Variants in TFIP11 observed in about 807,000 individuals in gnomAD.
The protein encoded by TFIP11 is tuftelin interacting protein 11.
A neutral mutation model predicts 96.8 loss-of-function variants in TFIP11; 86 were observed. The observed-to-expected ratio is 0.89, with a 90% CI of 0.75 to 1.06. The LOEUF (loss-of-function observed/expected upper bound fraction) is 1.06. TFIP11 is among the 50% of genes least tolerant of loss of function. The probability of loss-of-function intolerance (pLI) is 0.00; values close to 1 mark genes in which losing one functional copy is unlikely to be tolerated. For synonymous variants in TFIP11, 405 were observed against 395.2 expected (o/e 1.02, Z -0.29); for missense variants, 881 against 1,076.7 (o/e 0.82, Z 2.54).
chr22:26,492,378 A>G lies in TFIP11; in HGVS notation c.2159-10T>C, dbSNP rs781746152. On this transcript the variant is annotated splice_polypyrimidine_tract_variant and intron_variant, in intron 14 of 14. Transcript: ENST00000407690. ...GGCTGCATGTAGGCACCTAAGATAC[A>G]GGAGGACAGGGCGGTGAGGAGAGGT... 1 of 1,613,274 alleles carries G rather than the reference A, an allele frequency of 6.2e-7. No homozygotes were observed. The highest frequency in any genetic ancestry group is 8.5e-7 in the Non-Finnish European group (1 of 1,179,276).
Position 26,499,236 on chromosome 22 carries a change from C to G in TFIP11, c.1197G>C (p.Glu399Asp). The G allele has an allele frequency of 6.2e-7, 1 of 1,614,018 alleles. No individual in the cohort carries two copies. The highest frequency in any genetic ancestry group is 1.1e-5 in the South Asian group (1 of 91,038). ...PDCSNPLTLD[E>D]CARIFETLQD... ...GCAGGGTTTCGAAGATGCGGGCACA[C>G]TCGTCCAGGGTGAGGGGGTTGCTGC... is the stretch of plus-strand genomic sequence containing the variant. Residue 399 changes from glutamate (E) to aspartate (D), a missense_variant, in exon 9 of 15, where the codon GAG becomes GAC. Transcript: ENST00000407690.
rs186305908 is a variant in TFIP11, at chr22:26,508,615, G to A, written c.209+1449C>T. 4.1e-3 allele frequency among the ~76,000 whole-genome samples: 620 copies of A among 152,210 alleles called. 6 individuals are homozygous for A. The highest frequency in any genetic ancestry group is 0.012 in the African/African-American group (513 of 41,510). On this transcript the variant is annotated intron_variant, in intron 4 of 14. Coordinates refer to ENST00000407690, the MANE Select transcript of TFIP11 (RefSeq NM_012143.4). ...TCACGCCTGTAATCCCAGCACTTTCGGAGGCCGAGGCAGGCGGATGACAAG... is the reference window on the plus strand; with the variant it reads ...TCACGCCTGTAATCCCAGCACTTTCAGAGGCCGAGGCAGGCGGATGACAAG...
At position 26,496,246 on chromosome 22, in the gene TFIP11, A is replaced by C. The variant is rs769326596; in HGVS notation, c.1676T>G (p.Met559Arg). 3 of 1,613,930 alleles carry C rather than the reference A, an allele frequency of 1.9e-6. No homozygotes were observed. The highest frequency in any genetic ancestry group is 1.7e-6 in the Non-Finnish European group (2 of 1,179,940). The part of the protein sequence containing the change: ...HSWIHPWLPL[M>R]QARLEPLYSP... The stretch of plus-strand genomic sequence containing the variant: ...ATAGAGTGGCTCCAGCCGTGCCTGC[A>C]TAAGGGGCAGCCATGGGTGGATCCA... The change falls in exon 12 of 15, where the codon ATG becomes AGG. Residue 559 changes from methionine to arginine, a missense_variant. Physicochemically the swap from Met to Arg is moderately conservative, Grantham distance 91. Coordinates refer to ENST00000407690, the MANE Select transcript of TFIP11 (RefSeq NM_012143.4).
chr22:26,501,920 T>C lies in TFIP11; in HGVS notation c.781A>G (p.Lys261Glu). The C allele has an allele frequency of 6.2e-7, 1 of 1,613,462 alleles. No individual in the cohort carries two copies. ...TGTACCTTGACTTGAGAAAGTTCCT[T>C]CTGGGGAGCAGTGAGCTTCTTGCTA... ...RISKKLTAPQ[K>E]ELSQVKVIDM... Residue 261 changes from lysine to glutamate, a missense_variant, in exon 8 of 15, where the codon AAG (lysine) becomes GAG (glutamate). Physicochemically the swap from Lys to Glu is moderately conservative, Grantham distance 56. Coordinates refer to ENST00000407690, the MANE Select transcript of TFIP11 (RefSeq NM_012143.4).
chr22:26,496,959 T>A, intron 10 of TFIP11, 70 bp from the exon 11 acceptor site: 1 of 1,543,372 alleles, frequency 6.5e-7, no homozygotes, highest in East Asian at 2.3e-5. Flanking sequence ...CACCACCACC[T>A]GCCTCTCTAG....
rs1234069479 is a variant in TFIP11 at position 26,507,022 on chromosome 22, T to C, written c.210-94A>G. 8 of 1,406,590 alleles carry C rather than the reference T, an allele frequency of 5.7e-6. No homozygotes were observed. In the African/African-American group the frequency reaches 1.2e-4, roughly 20 times the overall value. The allele number at this position is 1,406,590 out of a possible 1,614,324, so 87.1% of individuals were successfully genotyped here. A position where few individuals can be genotyped will look rare whatever the true frequency, so the allele number is the denominator to read the frequency against. Reference sequence around the variant, plus strand: ...AGAAACTACGTGCTTGAAGACTCCTTAGAGTGAATCTCATGGGAGGTTTTT... The same window carrying C: ...AGAAACTACGTGCTTGAAGACTCCTCAGAGTGAATCTCATGGGAGGTTTTT... On this transcript the variant is annotated intron_variant, in intron 4 of 14. Coordinates refer to ENST00000407690, the MANE Select transcript of TFIP11 (RefSeq NM_012143.4).
intron 12 of TFIP11, among the ~76,000 whole-genome samples, chr22:26,495,289 T>G (rs1382785392): frequency 1.5e-5 from 2 of 132,016 alleles, no homozygotes; most frequent in Admixed American, 1.6e-4. Flanking sequence ...TTTTTTTTTT[T>G]TTTTTTGTTG....
At chr22:26,505,761 C>G (rs1028328449) in intron 6 of TFIP11, 5 of 42,778 alleles carry the variant, frequency 1.2e-4, no homozygotes, top group African/African-American at 3.5e-4. Context: ...CGCTCTGTTG[C>G]CCAGGCTGGA....
chr22:26,502,841 A>G (rs1312601774), intron 7 of TFIP11, among the ~76,000 whole-genome samples: 1 of 152,196 alleles, frequency 6.6e-6, no homozygotes, highest in Admixed American at 6.5e-5. Flanking sequence ...TCTGTGCCAC[A>G]GTCCCCACCA....
intron 11 of TFIP11, 121 bp from the exon 12 acceptor site, chr22:26,496,437 C>A: frequency 7.4e-7 from 1 of 1,344,968 alleles, no homozygotes; most frequent in South Asian, 1.5e-5. Flanking sequence ...GGCCCACAGT[C>A]CTTTGTACAT....
At position 26,497,684 on chromosome 22, in the gene TFIP11, T is replaced by C. The variant is rs1235138109; in HGVS notation, c.1437-795A>G. On this transcript the variant is annotated intron_variant, in intron 10 of 14. Coordinates refer to ENST00000407690, the MANE Select transcript of TFIP11 (RefSeq NM_012143.4). ...CGAGGTCAAGAGATCGAGACCATCC[T>C]GGCCAACATGGTGAAACCCTGTCTC... Among the ~76,000 whole-genome samples, 4 of 152,160 alleles carry C rather than the reference T, an allele frequency of 2.6e-5. 1 individual carries two copies. In the South Asian group the frequency reaches 6.2e-4, roughly 24 times the overall value.
chr22:26,507,052 A>G, intron 4 of TFIP11, 124 bp from the exon 5 acceptor site: 1 of 1,184,022 alleles, frequency 8.4e-7, no homozygotes, highest in Non-Finnish European at 1.2e-6. Context: ...GTTTTTTAAA[A>G]AAGTAACACA....
chr22:26,494,070 C>T (rs1921598694), intron 14 of TFIP11, 69 bp downstream of exon 14: 1 of 1,567,684 alleles, frequency 6.4e-7, no homozygotes, highest in Non-Finnish European at 8.7e-7. Context: ...AACTCTGATT[C>T]TGTGTCATTT....
chr22:26,495,260 C>CTGTTT (rs1921787940), intron 12 of TFIP11, among the ~76,000 whole-genome samples: 1 of 59,156 alleles, frequency 1.7e-5, no homozygotes, highest in African/African-American at 7.4e-5. Context: ...CAACTCCTGG[C>CTGTTT]TTTTTTTTTT....
In TFIP11 at chr22:26,491,637, AG is replaced by A. The variant is rs1376303869; in HGVS notation, c.*375del. The A allele has an allele frequency of 1.9e-6, 3 of 1,613,260 alleles. No homozygotes were observed. The highest frequency in any genetic ancestry group is 2.2e-5 in the East Asian group (1 of 44,904). On this transcript the variant is annotated 3_prime_UTR_variant, in exon 15 of 15. Transcript: ENST00000407690. ...GGACTGTGAGGACCTTGAAATCATC[AG>A]GAACAAGAGAGAAGATCCTTCTGCT...
At chr22:26,506,504 TGAA>T in intron 5 of TFIP11, 45 bp from the exon 6 acceptor site, 2 of 1,572,540 alleles carry the variant, frequency 1.3e-6, no homozygotes, top group Non-Finnish European at 1.7e-6. Context: ...AAAAACAAAA[TGAA>T]GAAAAATCTA....
At chr22:26,497,758 C>T (rs1922239484) in intron 10 of TFIP11, among the ~76,000 whole-genome samples, 1 of 151,956 alleles carries the variant, frequency 6.6e-6, no homozygotes, top group Admixed American at 6.6e-5. Flanking sequence ...CGCCTGTAGT[C>T]CCAGCTACTC....
exon 1 of TFIP11, chr22:26,512,456 ACACCAGAACCCGGAAGCACCGT>A (rs1427672868): frequency 6.6e-6 from 1 of 152,340 alleles, no homozygotes; most frequent in Non-Finnish European, 1.5e-5. Context: ...CGCCGCTCCT[ACACCAGAACCCGGAAGCACCGT>A]GGCCGGCGCG....
In TFIP11 at chr22:26,491,796, T is replaced by A; in HGVS notation, c.*217A>T. 9.8e-7 allele frequency: 1 copy of A among 1,016,454 alleles called. No individual in the cohort carries two copies. The highest frequency in any genetic ancestry group is 1.4e-6 in the Non-Finnish European group (1 of 707,390). 63.0% of individuals were successfully genotyped at this position (1,016,454 alleles called of 1,614,324 possible). On this transcript the variant is annotated 3_prime_UTR_variant, in exon 15 of 15. Transcript: ENST00000407690. Reference sequence around the variant, plus strand: ...GGAAAGAACATCAACTTGGCTGTCCTGTTTTGAGGACGATACCCCACATGA... The same window carrying A: ...GGAAAGAACATCAACTTGGCTGTCCAGTTTTGAGGACGATACCCCACATGA...
Sources: allele counts gnomAD v4.1 joint callset (sites outside exome capture counted in the v4.1 genomes callset), GRCh38; gene constraint gnomAD v4.1.1; transcripts MANE v1.5; gene names NCBI Gene and HGNC (gene_info 2026-07-23, HGNC 2026-07-21).